GAB1: variants seen among roughly 807,000 people sequenced by gnomAD.
GAB1 encodes the protein GRB2 associated binding protein 1.
A neutral mutation model predicts 66.5 loss-of-function variants in GAB1; 19 were observed. The observed-to-expected ratio is 0.29, with a 90% confidence interval of 0.20 to 0.42. The LOEUF (loss-of-function observed/expected upper bound fraction) is 0.42, where lower values mean the gene tolerates loss of function less well. Among genes scored for constraint, GAB1 ranks in the 10% least tolerant of loss-of-function variants. GAB1 has a pLI of 1.00. For synonymous variants in GAB1, 294 were observed against 301.4 expected, an observed-to-expected ratio of 0.98 and a Z score of 0.25; for missense variants, 732 against 858.5, an observed-to-expected ratio of 0.85 and a Z score of 1.84.
intron 1 of GAB1, among the ~76,000 whole-genome samples, chr4:143,407,711 A>G (rs1732129436): frequency 6.6e-6 from 1 of 152,174 alleles, no homozygotes; most frequent in Admixed American, 6.5e-5. Context: ...AGTGGAGTGG[A>G]AACTTCCACC....
intron 1 of GAB1, among the ~76,000 whole-genome samples, chr4:143,373,387 C>T (rs1043004116): frequency 5.9e-5 from 9 of 152,124 alleles, no homozygotes; most frequent in Non-Finnish European, 8.8e-5. Context: ...ATAATTAATC[C>T]TGTTTTAGTA....
Position 143,337,125 on chromosome 4 carries a change from G to C in GAB1, c.-64G>C, listed in dbSNP as rs1728677075. ...GCCACTGCGCGCTCGGCAGGCGTCG[G>C]CTGTGTCGGGAGCGCGCCCGCCGCC... On this transcript the variant is annotated 5_prime_UTR_variant, in exon 1 of 10. Coordinates refer to ENST00000262994, the MANE Select transcript of GAB1 (RefSeq NM_002039.4). 9 of 1,440,510 alleles carry C rather than the reference G, an allele frequency of 6.2e-6. No individual in the cohort carries two copies. In the South Asian group the frequency reaches 8.7e-5, roughly 14 times the overall value. 89.2% of individuals were successfully genotyped at this position (1,440,510 alleles called of 1,614,324 possible). A position where few individuals can be genotyped will look rare whatever the true frequency, so the allele number is the denominator to read the frequency against.
chr4:143,401,863 G>A (rs1484666610), intron 1 of GAB1, among the ~76,000 whole-genome samples: 2 of 152,084 alleles, frequency 1.3e-5, no homozygotes, highest in Non-Finnish European at 2.9e-5. Flanking sequence ...TTCAGTTGAC[G>A]TTGTTGCTAG....
chr4:143,422,600 A>G (rs1408626721), intron 2 of GAB1, among the ~76,000 whole-genome samples: 4 of 152,154 alleles, frequency 2.6e-5, no homozygotes, highest in Non-Finnish European at 5.9e-5. Flanking sequence ...GTTTAGAGGC[A>G]TTGTCTTGGC....
At chr4:143,444,908 A>C (rs541459163) in intron 6 of GAB1, among the ~76,000 whole-genome samples, 36 of 152,142 alleles carry the variant, frequency 2.4e-4, no homozygotes, top group Non-Finnish European at 3.7e-4. Flanking sequence ...CTCCACCTGC[A>C]TCTGTGTTGC....
intron 6 of GAB1, among the ~76,000 whole-genome samples, chr4:143,448,356 A>G (rs1005852236): frequency 7.9e-5 from 12 of 151,892 alleles, no homozygotes; most frequent in African/African-American, 2.7e-4. Context: ...GAATAGTTTC[A>G]GAAGGAATGG....
intron 6 of GAB1, among the ~76,000 whole-genome samples, chr4:143,455,792 G>T (rs1244822216): frequency 6.6e-6 from 1 of 152,188 alleles, no homozygotes; most frequent in East Asian, 1.9e-4. Context: ...ACAGAGTGCT[G>T]CAAGATCTCC....
At chr4:143,448,534 C>T (rs533979497) in intron 6 of GAB1, among the ~76,000 whole-genome samples, 4 of 151,706 alleles carry the variant, frequency 2.6e-5, no homozygotes, top group South Asian at 2.1e-4. Context: ...GTGTATGTGT[C>T]GAGGAATTTA....
intron 2 of GAB1, 67 bp downstream of exon 2, chr4:143,415,838 C>T: frequency 2.5e-6 from 3 of 1,223,856 alleles, no homozygotes; most frequent in Non-Finnish European, 3.4e-6. Flanking sequence ...AAATGTCATA[C>T]AATTCTTTGT....
At chr4:143,414,947 C>T (rs1381108042) in intron 1 of GAB1, among the ~76,000 whole-genome samples, 3 of 152,144 alleles carry the variant, frequency 2.0e-5, no homozygotes, top group African/African-American at 7.2e-5. Context: ...ACTCTAGGCC[C>T]ATTAAATACT....
intron 1 of GAB1, among the ~76,000 whole-genome samples, chr4:143,390,960 A>T (rs1464940631): frequency 6.6e-6 from 1 of 152,172 alleles, no homozygotes; most frequent in Non-Finnish European, 1.5e-5. Flanking sequence ...GAGAAGGCAC[A>T]CATCATTGCC....
At chr4:143,451,363 G>A (rs538324769) in intron 6 of GAB1, among the ~76,000 whole-genome samples, 191 of 152,292 alleles carry the variant, frequency 1.3e-3, no homozygotes, top group African/African-American at 4.5e-3. Context: ...AGTACCAAAG[G>A]AGGGACGAAT....
At chr4:143,397,782 TTAAAA>T (rs1252567322) in intron 1 of GAB1, among the ~76,000 whole-genome samples, 1 of 152,184 alleles carries the variant, frequency 6.6e-6, no homozygotes, top group African/African-American at 2.4e-5. Flanking sequence ...ACCTTGATAA[TTAAAA>T]TATATCTTTC....
chr4:143,422,502 CTACCTTACCAATAAGA>C (rs1245911072), intron 2 of GAB1, among the ~76,000 whole-genome samples: 1 of 152,180 alleles, frequency 6.6e-6, no homozygotes, highest in East Asian at 1.9e-4. Flanking sequence ...TTGAAACGTT[CTACCTTACCAATAAGA>C]AAGAGTAGAA....
chr4:143,351,164 C>T (rs764996960), intron 1 of GAB1, among the ~76,000 whole-genome samples: 11 of 152,220 alleles, frequency 7.2e-5, no homozygotes, highest in Non-Finnish European at 1.3e-4. Context: ...GTTAGACCCC[C>T]TCCCTTATCA....
At position 143,421,840 on chromosome 4, in the gene GAB1, T is replaced by TA. The variant is rs1733048471; in HGVS notation, c.367+6070dup. Among the ~76,000 whole-genome samples, 4 of 152,102 alleles carry TA rather than the reference T, an allele frequency of 2.6e-5. No individual in the cohort carries two copies. The South Asian group carries it at 8.3e-4, about 32-fold the overall frequency. On this transcript the variant is annotated intron_variant, in intron 2 of 9. Transcript: ENST00000262994. ...GGCCTTCAAACCTCTGGATAAGAATTATGGCATTTGTCAGCATTGCCTAAA... is the reference window on the plus strand; with the variant it reads ...GGCCTTCAAACCTCTGGATAAGAATTAATGGCATTTGTCAGCATTGCCTAAA...
At chr4:143,425,261 T>G (rs1733275977) in intron 2 of GAB1, 2 of 965,934 alleles carry the variant, frequency 2.1e-6, no homozygotes, top group Non-Finnish European at 3.3e-6. Context: ...TTGAAAACCC[T>G]GCAGATGTCA....
chr4:143,450,760 G>A (rs555829285), intron 6 of GAB1, among the ~76,000 whole-genome samples: 10 of 152,066 alleles, frequency 6.6e-5, no homozygotes, highest in South Asian at 4.2e-4. Flanking sequence ...GCGTGGTGGC[G>A]CATGCCTGTA....
At chr4:143,445,787 TTTTG>T (rs926585661) in intron 6 of GAB1, among the ~76,000 whole-genome samples, 142 of 152,296 alleles carry the variant, frequency 9.3e-4, no homozygotes, top group African/African-American at 2.3e-3. Flanking sequence ...TGATTTGTTT[TTTTG>T]TTTGTTTGTT....
Sources: allele counts gnomAD v4.1 joint callset (sites outside exome capture counted in the v4.1 genomes callset), GRCh38; gene constraint gnomAD v4.1.1; transcripts MANE v1.5; gene names NCBI Gene and HGNC (gene_info 2026-07-23, HGNC 2026-07-21).